Variants in BRSK2 observed in about 807,000 individuals in gnomAD.
BRSK2 encodes the protein BR serine/threonine kinase 2, also known as serine/threonine-protein kinase BRSK2.
A neutral mutation model predicts 83.3 loss-of-function variants in BRSK2; 19 were observed. The observed-to-expected ratio is 0.23, with a 90% confidence interval of 0.16 to 0.33. The LOEUF (loss-of-function observed/expected upper bound fraction) is 0.33. BRSK2 is among the 10% of genes least tolerant of loss of function. BRSK2 has a pLI of 1.00. For missense variants in BRSK2, 798 were observed against 1,042.3 expected, an observed-to-expected ratio of 0.77 and a Z score of 3.23; for synonymous variants, 519 against 435.4, an observed-to-expected ratio of 1.19 and a Z score of -2.39.
In BRSK2 at chr11:1,443,608, C is replaced by T. The variant is rs370671346; in HGVS notation, c.753C>T (p.Ile251=). The change falls in exon 8 of 20, where the codon ATC becomes ATT. Residue 251 remains isoleucine (I), a synonymous_variant. Coordinates refer to ENST00000528841, the MANE Select transcript of BRSK2 (RefSeq NM_001256627.2). ...PDCQSLLRGM[I]EVDAARRLTL... ...GCCAGAGTCTGCTACGGGGCATGAT[C>T]GAGGTGGACGCCGCACGCCGCCTCA... The T allele has an allele frequency of 2.4e-5, 38 of 1,605,488 alleles. No individual in the cohort carries two copies. Among genetic ancestry groups the T allele is most frequent in the Middle Eastern group, 1.7e-4 (1 of 6,016 alleles).
intron 1 of BRSK2, among the ~76,000 whole-genome samples, chr11:1,404,482 G>A (rs1846698167): frequency 1.3e-5 from 2 of 152,164 alleles, no homozygotes; most frequent in African/African-American, 2.4e-5. Flanking sequence ...CTTCCCCTCC[G>A]TCCCTGTCCC....
At chr11:1,416,742 G>T (rs561000370) in intron 1 of BRSK2, among the ~76,000 whole-genome samples, 2 of 152,102 alleles carry the variant, frequency 1.3e-5, no homozygotes, top group Non-Finnish European at 2.9e-5. Flanking sequence ...TGTGTGTTTC[G>T]CAGTGACCCA....
At chr11:1,395,104 T>A (rs1197376495) in intron 1 of BRSK2, among the ~76,000 whole-genome samples, 1 of 152,144 alleles carries the variant, frequency 6.6e-6, no homozygotes, top group East Asian at 1.9e-4. Context: ...GCGTGGGGTG[T>A]CTGCTGCGAG....
intron 18 of BRSK2, among the ~76,000 whole-genome samples, chr11:1,458,967 C>T (rs1847025183): frequency 6.6e-6 from 1 of 152,278 alleles, no homozygotes; most frequent in South Asian, 2.1e-4. Context: ...CGCCTTGTTC[C>T]CTGCCTCCGC....
At position 1,460,810 on chromosome 11, in the gene BRSK2, G is replaced by T. The variant is rs7939436; in HGVS notation, c.*87G>T. ...CCCTGCCCCGAGTGGACCCGCGGCC[G>T]CGCCGCCCGTCCGTCCAGACTGTTC... On this transcript the variant is annotated 3_prime_UTR_variant, in exon 20 of 20. Coordinates refer to ENST00000528841, the MANE Select transcript of BRSK2 (RefSeq NM_001256627.2). 2.5e-3 allele frequency: 3,717 copies of T among 1,467,374 alleles called. 76 individuals carry two copies. The African/African-American group carries it at 0.047, about 19-fold the overall frequency. 90.9% of individuals were successfully genotyped at this position (1,467,374 alleles called of 1,614,324 possible).
intron 14 of BRSK2, 109 bp from the exon 15 acceptor site, chr11:1,451,260 AGT>A (rs1845788342): frequency 2.3e-6 from 3 of 1,279,504 alleles, no homozygotes; most frequent in Non-Finnish European, 3.4e-6. Context: ...GGGCTGTCCC[AGT>A]GTGTGTGGGT....
intron 1 of BRSK2, chr11:1,411,510 G>A: frequency 6.7e-7 from 1 of 1,503,684 alleles, no homozygotes; most frequent in South Asian, 1.3e-5. Flanking sequence ...CCCAGCGGTG[G>A]GCAGGGGAGG....
At chr11:1,414,671 C>G (rs941582070) in intron 1 of BRSK2, among the ~76,000 whole-genome samples, 1 of 152,184 alleles carries the variant, frequency 6.6e-6, no homozygotes, top group Non-Finnish European at 1.5e-5. Flanking sequence ...AGCGCATTCA[C>G]GGTGCTACGC....
At chr11:1,435,917 C>G in intron 1 of BRSK2, 123 bp from the exon 2 acceptor site, 1 of 676,850 alleles carries the variant, frequency 1.5e-6, no homozygotes, top group South Asian at 2.1e-5. Context: ...GCCTCCGGCC[C>G]TGGAGCGGGT....
chr11:1,457,898 C>T (rs995997203), intron 18 of BRSK2, among the ~76,000 whole-genome samples: 6 of 152,174 alleles, frequency 3.9e-5, no homozygotes, highest in Admixed American at 3.3e-4. Flanking sequence ...GGAGTAGCCC[C>T]CTTCTCCTGA....
intron 1 of BRSK2, among the ~76,000 whole-genome samples, chr11:1,415,278 T>TAGAGAGGG (rs1173338336): frequency 6.6e-6 from 1 of 151,962 alleles, no homozygotes; most frequent in Non-Finnish European, 1.5e-5. Context: ...GTATTTTTAG[T>TAGAGAGGG]AGAGAGGGGG....
At position 1,443,406 on chromosome 11, in the gene BRSK2, G is replaced by A; in HGVS notation, c.633+3G>A. The A allele has an allele frequency of 1.2e-6, 2 of 1,601,046 alleles. No homozygotes were observed. The highest frequency in any genetic ancestry group is 1.7e-6 in the Non-Finnish European group (2 of 1,174,698). ...TCATCCTGTTCGCCTTGCTGGTGGT[G>A]AGACCCTGGCCCCCTCAACCCTGCC... On this transcript the variant is annotated splice_donor_region_variant and intron_variant, in intron 7 of 19. Transcript: ENST00000528841.
At position 1,440,656 on chromosome 11, in the gene BRSK2, C is replaced by T. The variant is rs938450782; in HGVS notation, c.273-132C>T. On this transcript the variant is annotated intron_variant, in intron 3 of 19. Transcript: ENST00000528841. The stretch of plus-strand genomic sequence containing the variant: ...CATAGTCAGGGCTCCTCTCAGCTGC[C>T]CCCCCAGCCAGCAAGAGGATGGGGG... The T allele has an allele frequency of 3.7e-5, 45 of 1,217,884 alleles. 2 individuals are homozygous for T. In the South Asian group the frequency reaches 5.1e-4, roughly 14 times the overall value. The allele number at this position is 1,217,884 out of a possible 1,614,324, so 75.4% of individuals were successfully genotyped here. A position where few individuals can be genotyped will look rare whatever the true frequency, so the allele number is the denominator to read the frequency against.
intron 1 of BRSK2, among the ~76,000 whole-genome samples, chr11:1,425,872 T>C (rs1000447690): frequency 3.3e-5 from 5 of 151,744 alleles, no homozygotes; most frequent in African/African-American, 1.2e-4. Context: ...GGGGAGGGCG[T>C]GGGGGGAACG....
rs1364319040 is a variant in BRSK2, at chr11:1,390,973, G to C, written c.91+598G>C. 1.3e-5 allele frequency among the ~76,000 whole-genome samples: 2 copies of C among 152,268 alleles called. No homozygotes were observed. The highest frequency in any genetic ancestry group is 2.9e-5 in the Non-Finnish European group (2 of 68,006). ...GAGCGTCTGTGACCTGCATTCCCAC[G>C]GGGCAGGGAGAGGCCATTGGTGCTG... is the stretch of plus-strand genomic sequence containing the variant. On this transcript the variant is annotated intron_variant, in intron 1 of 19. Coordinates refer to ENST00000528841, the MANE Select transcript of BRSK2 (RefSeq NM_001256627.2). The surrounding 1 kb of genome is among the most constrained non-coding windows in gnomAD (Gnocchi z 6.8).
intron 1 of BRSK2, among the ~76,000 whole-genome samples, chr11:1,413,769 C>T (rs1847811197): frequency 6.6e-6 from 1 of 152,216 alleles, no homozygotes; most frequent in Admixed American, 6.5e-5. Context: ...CCTGGCACCC[C>T]CACTCCATCA....
At chr11:1,429,129 GGTGT>G (rs897450396) in intron 1 of BRSK2, among the ~76,000 whole-genome samples, 10 of 149,344 alleles carry the variant, frequency 6.7e-5, no homozygotes, top group African/African-American at 2.5e-4. Flanking sequence ...GTGTGCACTG[GGTGT>G]GTGTGCACGT....
At chr11:1,428,933 C>T (rs1849569918) in intron 1 of BRSK2, among the ~76,000 whole-genome samples, 1 of 145,712 alleles carries the variant, frequency 6.9e-6, no homozygotes. Flanking sequence ...GAGGTGTGTA[C>T]TGGGTGCGTG....
chr11:1,450,566 A>T, intron 13 of BRSK2, 21 bp from the exon 14 acceptor site: 1 of 1,447,034 alleles, frequency 6.9e-7, no homozygotes, highest in Non-Finnish European at 9.4e-7. Flanking sequence ...ACCAAACACC[A>T]AATCTGTCCC....
Sources: allele counts gnomAD v4.1 joint callset (sites outside exome capture counted in the v4.1 genomes callset), GRCh38; gene constraint gnomAD v4.1.1; non-coding constraint Gnocchi (gnomAD v3.1); transcripts MANE v1.5; gene names NCBI Gene and HGNC (gene_info 2026-07-23, HGNC 2026-07-21).